Variants in TRPM7 observed in about 807,000 individuals in gnomAD.
The protein encoded by TRPM7 is LTRPC ion channel family member 7.
In TRPM7, 134 loss-of-function variants were observed where a neutral mutation model predicts 229.7. The observed-to-expected ratio is 0.58, with a 90% CI of 0.51 to 0.67. The LOEUF is 0.67. Among genes scored for constraint, TRPM7 ranks in the 30% least tolerant of loss-of-function variants. The probability of loss-of-function intolerance (pLI) is 0.00; values close to 1 mark genes in which losing one functional copy is unlikely to be tolerated. For missense variants in TRPM7, 1,901 were observed against 2,210.0 expected (o/e 0.86, Z 2.80); for synonymous variants, 699 against 715.2 (o/e 0.98, Z 0.36).
At chr15:50,640,452 T>C (rs1294888108) in intron 5 of TRPM7, among the ~76,000 whole-genome samples, 32 of 145,528 alleles carry the variant, frequency 2.2e-4, no homozygotes, top group Non-Finnish European at 1.5e-4. Context: ...AATTTTTTTT[T>C]CTTTTTTTTT....
intron 13 of TRPM7, among the ~76,000 whole-genome samples, chr15:50,615,088 G>A (rs1057116809): frequency 9.5e-5 from 14 of 147,690 alleles, no homozygotes; most frequent in Admixed American, 2.8e-4. Context: ...GGAAAATGGC[G>A]GGAGGCAGAG....
rs1004755893 is a variant in TRPM7 at position 50,656,011 on chromosome 15, A to G, written c.122+1770T>C. 1.4e-4 allele frequency among the ~76,000 whole-genome samples: 6 copies of G among 41,620 alleles called. No individual in the cohort carries two copies. In the Admixed American group the frequency reaches 2.1e-3, roughly 14 times the overall value. 27.3% of individuals were successfully genotyped at this position (41,620 alleles called of 152,430 possible). On this transcript the variant is annotated intron_variant, in intron 3 of 38. Transcript: ENST00000646667. Reference sequence around the variant, plus strand: ...TCCATCTCAAAAAAAGAAAAAAACAAAAAAAAAAAACCCCTGCTGCAATAA... The same window carrying G: ...TCCATCTCAAAAAAAGAAAAAAACAGAAAAAAAAAACCCCTGCTGCAATAA...
At chr15:50,683,137 C>T (rs1269839644) in intron 1 of TRPM7, among the ~76,000 whole-genome samples, 1 of 151,820 alleles carries the variant, frequency 6.6e-6, no homozygotes, top group Non-Finnish European at 1.5e-5. Flanking sequence ...ATCCACCCGC[C>T]TCAGTCTCTC....
chr15:50,595,052 A>G (rs1317736137), intron 23 of TRPM7, among the ~76,000 whole-genome samples: 1 of 151,984 alleles, frequency 6.6e-6, no homozygotes, highest in Non-Finnish European at 1.5e-5. Flanking sequence ...AAAACAAAAA[A>G]GTTAGCCAGG....
At chr15:50,679,516 ATATAT>A (rs2062187172) in intron 1 of TRPM7, among the ~76,000 whole-genome samples, 1 of 32,390 alleles carries the variant, frequency 3.1e-5, no homozygotes, top group Non-Finnish European at 4.9e-5. Context: ...TATATAATAT[ATATAT>A]ATATATATAT....
intron 7 of TRPM7, among the ~76,000 whole-genome samples, chr15:50,636,340 G>C (rs146317411): frequency 2.0e-5 from 3 of 151,888 alleles, no homozygotes; most frequent in Non-Finnish European, 2.9e-5. Flanking sequence ...ACAAGCACAC[G>C]CCACCACGCT....
At chr15:50,667,898 G>C (rs1367091571) in intron 1 of TRPM7, among the ~76,000 whole-genome samples, 1 of 152,236 alleles carries the variant, frequency 6.6e-6, no homozygotes, top group East Asian at 1.9e-4. Context: ...TCTTTGGGTT[G>C]CATTTGTATA....
chr15:50,646,287 G>T (rs1254270288), intron 4 of TRPM7, among the ~76,000 whole-genome samples: 3 of 151,984 alleles, frequency 2.0e-5, no homozygotes, highest in African/African-American at 7.2e-5. Context: ...TTTTGCTGTT[G>T]TTATTTGTTT....
intron 2 of TRPM7, among the ~76,000 whole-genome samples, chr15:50,659,285 G>T (rs1198649925): frequency 1.3e-5 from 2 of 152,040 alleles, no homozygotes; most frequent in South Asian, 2.1e-4. Context: ...GGGGAAGGGG[G>T]ATAATCATCT....
chr15:50,639,358 C>T (rs181557733), intron 6 of TRPM7, 66 bp downstream of exon 6: 7 of 1,300,942 alleles, frequency 5.4e-6, no homozygotes, highest in Non-Finnish European at 2.1e-6. Flanking sequence ...TAAACTGGCA[C>T]TATTCTTACT....
intron 21 of TRPM7, among the ~76,000 whole-genome samples, chr15:50,601,127 A>C (rs1211635308): frequency 6.6e-6 from 1 of 152,208 alleles, no homozygotes; most frequent in East Asian, 1.9e-4. Context: ...AATGCTTGTA[A>C]TTAAAGGAAA....
At chr15:50,602,874 G>A (rs1244976892) in intron 21 of TRPM7, among the ~76,000 whole-genome samples, 1 of 152,146 alleles carries the variant, frequency 6.6e-6, no homozygotes, top group African/African-American at 2.4e-5. Context: ...CTAGCAGAGG[G>A]TGGTTCTAGA....
intron 36 of TRPM7, among the ~76,000 whole-genome samples, chr15:50,573,988 C>T (rs1318095782): frequency 6.8e-6 from 1 of 146,978 alleles, no homozygotes; most frequent in Admixed American, 7.0e-5. Context: ...ATCCGGGAGG[C>T]GGAAGTTGCA....
chr15:50,654,652 CAA>C (rs1003667049), intron 3 of TRPM7, among the ~76,000 whole-genome samples: 4 of 151,156 alleles, frequency 2.6e-5, no homozygotes, highest in African/African-American at 9.7e-5. Flanking sequence ...GAAACTATAA[CAA>C]AGAATCAAAT....
At chr15:50,622,281 C>T (rs1433623525) in intron 12 of TRPM7, among the ~76,000 whole-genome samples, 2 of 151,896 alleles carry the variant, frequency 1.3e-5, no homozygotes, top group African/African-American at 4.8e-5. Flanking sequence ...GTAAAGGAAC[C>T]CTGAAAATCA....
intron 13 of TRPM7, among the ~76,000 whole-genome samples, chr15:50,615,503 G>A (rs1421971215): frequency 6.6e-6 from 1 of 151,964 alleles, no homozygotes; most frequent in African/African-American, 2.4e-5. Flanking sequence ...TTTAAAAACT[G>A]GTTAATTTTA....
At chr15:50,593,028 C>T (rs12904103) in intron 25 of TRPM7, among the ~76,000 whole-genome samples, 11,440 of 152,194 alleles carry the variant, frequency 0.075, 558 homozygotes, top group South Asian at 0.12. Flanking sequence ...CAGTGGCTCA[C>T]GTCTGTAATC....
chr15:50,628,052 G>T (rs1282414671), intron 11 of TRPM7, 97 bp downstream of exon 11: 2 of 838,352 alleles, frequency 2.4e-6, no homozygotes. Context: ...ACTATTGGCA[G>T]AAAGGTAAAA....
intron 1 of TRPM7, among the ~76,000 whole-genome samples, chr15:50,682,004 C>A (rs12909927): frequency 6.6e-6 from 1 of 151,506 alleles, no homozygotes. Flanking sequence ...ATGGGGAAAC[C>A]CTGTCTCTAC....
Sources: gnomAD v4.1 joint callset for allele counts (sites outside exome capture counted in the v4.1 genomes callset) on GRCh38, gnomAD v4.1.1 for gene constraint, MANE v1.5 for transcripts, NCBI Gene and HGNC (gene_info 2026-07-23, HGNC 2026-07-21) for gene names.